Variants in PAX5 observed in about 807,000 individuals in gnomAD.
PAX5 encodes the protein paired box protein Pax-5.
In PAX5, 9 loss-of-function variants were observed where a neutral mutation model predicts 43.7. The observed-to-expected ratio is 0.21, with a 90% CI of 0.12 to 0.36. PAX5 has a LOEUF of 0.36. Ranked by LOEUF, PAX5 falls within the 10% of genes least tolerant of loss-of-function variation. PAX5 has a pLI of 1.00. For synonymous variants in PAX5, 228 were observed against 214.3 expected (o/e 1.06, Z -0.56); for missense variants, 383 against 532.7 (o/e 0.72, Z 2.77).
intron 6 of PAX5, among the ~76,000 whole-genome samples, chr9:36,958,033 A>C (rs2132143297): frequency 6.6e-6 from 1 of 152,276 alleles, no homozygotes; most frequent in African/African-American, 2.4e-5. Context: ...GGAAAATCTA[A>C]GAAGAGCTAC....
chr9:37,026,967 G>A (rs540737408), intron 1 of PAX5, among the ~76,000 whole-genome samples: 1 of 152,234 alleles, frequency 6.6e-6, no homozygotes, highest in Non-Finnish European at 1.5e-5. Flanking sequence ...GCTTTGAGGA[G>A]GCCGCCGGAA....
chr9:37,015,486 T>G lies in PAX5; in HGVS notation c.213-292A>C, dbSNP rs1839306323. ...AAATAACAATTTTTATATATTGAGT[T>G]AAAATATATAATTAAAATATAGTAC... On this transcript the variant is annotated intron_variant, in intron 2 of 9. Coordinates refer to ENST00000358127, the MANE Select transcript of PAX5 (RefSeq NM_016734.3). This position sits in a 1 kb window ranked among gnomAD's most constrained non-coding sequence, Gnocchi z 4.4. Among the ~76,000 whole-genome samples, 1 of 152,192 alleles carries G rather than the reference T, an allele frequency of 6.6e-6. No homozygotes were observed. Among genetic ancestry groups the G allele is most frequent in the East Asian group, 1.9e-4 (1 of 5,206 alleles).
chr9:36,976,332 T>G (rs1320597351), intron 5 of PAX5, among the ~76,000 whole-genome samples: 2 of 152,142 alleles, frequency 1.3e-5, no homozygotes, highest in African/African-American at 4.8e-5. Context: ...TGGTGCTGTT[T>G]GGGGTGCTTA....
At chr9:36,919,571 C>T (rs535704431) in intron 7 of PAX5, among the ~76,000 whole-genome samples, 12 of 152,194 alleles carry the variant, frequency 7.9e-5, no homozygotes, top group African/African-American at 1.7e-4. Context: ...TGGCTGGGCA[C>T]GGTGGCTCAC....
chr9:37,014,004 A>G (rs1004871451), intron 3 of PAX5, among the ~76,000 whole-genome samples: 7 of 152,176 alleles, frequency 4.6e-5, no homozygotes, highest in Admixed American at 3.9e-4. Flanking sequence ...CAAGCTCTGC[A>G]CTGATGATGG....
intron 2 of PAX5, among the ~76,000 whole-genome samples, chr9:37,018,968 G>A (rs1839628629): frequency 6.6e-6 from 1 of 152,092 alleles, no homozygotes; most frequent in Non-Finnish European, 1.5e-5. Context: ...CAAACAGCGA[G>A]CAAAATGTCG....
Position 37,034,107 on chromosome 9 carries a change from T to TTC in PAX5, c.-77_-76insGA. Reference sequence around the variant, plus strand: ...TTGTGCCTTTTTTTTTCTTTTTTTTTTTTTTTTTTTTTTTTTTTTGGTGCC... The same window carrying TTC: ...TTGTGCCTTTTTTTTTCTTTTTTTTTTCTTTTTTTTTTTTTTTTTTTGGTGCC... On this transcript the variant is annotated 5_prime_UTR_variant, in exon 1 of 10. Transcript: ENST00000358127. 1.3e-6 allele frequency: 1 copy of TTC among 793,008 alleles called. No homozygotes were observed. The highest frequency in any genetic ancestry group is 2.8e-5 in the East Asian group (1 of 35,990). The allele number at this position is 793,008 out of a possible 1,614,324, so 49.1% of individuals were successfully genotyped here. A position where few individuals can be genotyped will look rare whatever the true frequency, so the allele number is the denominator to read the frequency against.
chr9:36,846,253 G>A (rs536427582), intron 9 of PAX5, among the ~76,000 whole-genome samples: 7 of 152,316 alleles, frequency 4.6e-5, no homozygotes, highest in Middle Eastern at 3.4e-3. Context: ...CACCAGTCAC[G>A]GACAATCTGC....
At chr9:37,012,657 T>C (rs1200418629) in intron 3 of PAX5, among the ~76,000 whole-genome samples, 1 of 152,226 alleles carries the variant, frequency 6.6e-6, no homozygotes, top group Non-Finnish European at 1.5e-5. Flanking sequence ...CACTGCTCTA[T>C]TTGCCTCATA....
At chr9:36,898,463 GCC>G (rs1039273834) in intron 7 of PAX5, among the ~76,000 whole-genome samples, 2 of 152,096 alleles carry the variant, frequency 1.3e-5, no homozygotes, top group Non-Finnish European at 2.9e-5. Context: ...TGGTCTCCGG[GCC>G]CCAGAACCCC....
At chr9:36,956,449 T>C (rs1251860220) in intron 6 of PAX5, among the ~76,000 whole-genome samples, 1 of 152,212 alleles carries the variant, frequency 6.6e-6, no homozygotes, top group Non-Finnish European at 1.5e-5. Context: ...AGAGCTAGAA[T>C]GGATCTCAAG....
chr9:36,923,307 T>TCC (rs137999288), intron 7 of PAX5, 48 bp downstream of exon 7: 2 of 1,488,592 alleles, frequency 1.3e-6, no homozygotes, highest in South Asian at 2.5e-5. Flanking sequence ...CACACTCCTA[T>TCC]CTCTCTCTCT....
At chr9:36,964,384 T>C (rs1227371884) in intron 6 of PAX5, among the ~76,000 whole-genome samples, 1 of 150,218 alleles carries the variant, frequency 6.7e-6, no homozygotes, top group Non-Finnish European at 1.5e-5. Flanking sequence ...AGGTCCGGAG[T>C]CCAAGACTAA....
intron 1 of PAX5, among the ~76,000 whole-genome samples, chr9:37,031,687 C>T (rs12236220): frequency 0.042 from 6,363 of 152,138 alleles, 270 homozygotes; most frequent in African/African-American, 0.11. Context: ...TTCCCCTCTC[C>T]GAACCTCTGA....
intron 5 of PAX5, among the ~76,000 whole-genome samples, chr9:36,974,935 G>A (rs921814899): frequency 1.3e-5 from 2 of 151,986 alleles, no homozygotes; most frequent in Non-Finnish European, 2.9e-5. Context: ...CTTCCCCACT[G>A]CTCCCCAGTG....
intron 8 of PAX5, among the ~76,000 whole-genome samples, chr9:36,850,363 C>T (rs779835982): frequency 4.6e-5 from 7 of 152,206 alleles, no homozygotes; most frequent in East Asian, 1.9e-4. Flanking sequence ...AGGGACTGGA[C>T]CTGGGAGATG....
intron 8 of PAX5, among the ~76,000 whole-genome samples, chr9:36,878,725 T>C (rs528797051): frequency 6.6e-6 from 1 of 152,094 alleles, no homozygotes; most frequent in East Asian, 1.9e-4. Context: ...GTGCCGGGGG[T>C]AGTGTCTGCA....
intron 7 of PAX5, among the ~76,000 whole-genome samples, chr9:36,908,268 A>G (rs1196756570): frequency 6.6e-6 from 1 of 151,376 alleles, no homozygotes; most frequent in Admixed American, 6.6e-5. Context: ...AGAAGCCAAG[A>G]GTGGATGGCT....
intron 1 of PAX5, among the ~76,000 whole-genome samples, chr9:37,028,679 G>A (rs969582424): frequency 6.6e-6 from 1 of 152,310 alleles, no homozygotes; most frequent in East Asian, 1.9e-4. Context: ...GCCAAGTCGC[G>A]TCCAGGGCTA....
Sources: gnomAD v4.1 joint callset for allele counts (sites outside exome capture counted in the v4.1 genomes callset) on GRCh38, gnomAD v4.1.1 for gene constraint, Gnocchi (gnomAD v3.1) non-coding constraint, MANE v1.5 for transcripts, NCBI Gene and HGNC (gene_info 2026-07-23, HGNC 2026-07-21) for gene names.